Variants in FBXL17 observed in about 807,000 individuals in gnomAD.
FBXL17 encodes F-box/LRR-repeat protein 17.
Under a neutral mutation model 66.2 loss-of-function variants are expected in FBXL17, and 22 were observed. The ratio of observed to expected loss-of-function variants is 0.33; its 90% CI spans 0.24 to 0.47. The LOEUF is 0.47. Ranked by LOEUF, FBXL17 falls within the 20% of genes least tolerant of loss-of-function variation. The pLI is 1.00. For synonymous variants in FBXL17, 474 were observed against 400.5 expected (o/e 1.18, Z -2.19); for missense variants, 878 against 948.2 (o/e 0.93, Z 0.97).
At chr5:108,125,186 T>C (rs1485485177) in intron 6 of FBXL17, among the ~76,000 whole-genome samples, 1 of 151,984 alleles carries the variant, frequency 6.6e-6, no homozygotes, top group Non-Finnish European at 1.5e-5. Context: ...TAAAATGTAA[T>C]GCAACATAAA....
intron 3 of FBXL17, among the ~76,000 whole-genome samples, chr5:108,357,026 C>CA (rs1426003304): frequency 1.3e-5 from 2 of 151,902 alleles, no homozygotes; most frequent in Non-Finnish European, 2.9e-5. Context: ...AAAAATCAGG[C>CA]AGCAAACAAA....
At chr5:108,356,502 A>G (rs1747997338) in intron 3 of FBXL17, among the ~76,000 whole-genome samples, 1 of 152,168 alleles carries the variant, frequency 6.6e-6, no homozygotes, top group Non-Finnish European at 1.5e-5. Context: ...ATTGCTAAAA[A>G]TAAATGAGCT....
At chr5:108,221,146 G>A (rs1447681561) in intron 5 of FBXL17, among the ~76,000 whole-genome samples, 3 of 152,100 alleles carry the variant, frequency 2.0e-5, no homozygotes, top group African/African-American at 7.2e-5. Context: ...AAGTAATAAT[G>A]GCATGTCATC....
chr5:107,924,426 A>C (rs991665575), intron 7 of FBXL17, among the ~76,000 whole-genome samples: 2 of 152,192 alleles, frequency 1.3e-5, no homozygotes, highest in Non-Finnish European at 2.9e-5. Context: ...TCCAGATGGT[A>C]TCTAGGCATT....
At chr5:108,211,802 G>T (rs537028887) in intron 5 of FBXL17, among the ~76,000 whole-genome samples, 206 of 152,188 alleles carry the variant, frequency 1.4e-3, no homozygotes, top group Non-Finnish European at 2.2e-3. Context: ...ATGATTATGT[G>T]TCTTGGGGTT....
chr5:108,341,742 T>C (rs184801824), intron 4 of FBXL17, among the ~76,000 whole-genome samples: 1 of 152,252 alleles, frequency 6.6e-6, no homozygotes, highest in Non-Finnish European at 1.5e-5. Flanking sequence ...CCCTACTACC[T>C]AGCCTATCAA....
At chr5:108,258,194 T>C (rs1756658664) in intron 4 of FBXL17, among the ~76,000 whole-genome samples, 1 of 152,170 alleles carries the variant, frequency 6.6e-6, no homozygotes, top group South Asian at 2.1e-4. Context: ...AACAGGGCCG[T>C]GGCTTTAGAA....
intron 6 of FBXL17, among the ~76,000 whole-genome samples, chr5:108,119,704 A>G (rs1467696375): frequency 6.6e-6 from 1 of 152,190 alleles, no homozygotes; most frequent in Admixed American, 6.5e-5. Flanking sequence ...CATTTTGCAC[A>G]AGGTTCTATG....
chr5:108,220,909 C>T (rs75770199), intron 5 of FBXL17, among the ~76,000 whole-genome samples: 1,849 of 152,286 alleles, frequency 0.012, 15 homozygotes, highest in Non-Finnish European at 0.019. Context: ...AGACCCAATT[C>T]TCCCACATAC....
Position 107,860,300 on chromosome 5 carries a change from T to C in FBXL17, c.*1420A>G, listed in dbSNP as rs1482986980. On this transcript the variant is annotated 3_prime_UTR_variant, in exon 9 of 9. Coordinates refer to ENST00000542267, the MANE Select transcript of FBXL17 (RefSeq NM_001163315.3). The stretch of plus-strand genomic sequence containing the variant: ...TTATATTCACTCAGGGAAAAATAAA[T>C]AGCAACTTCACAAGTTAGGGTTTTG... 1 of 152,576 alleles carries C rather than the reference T, an allele frequency of 6.6e-6. No homozygotes were observed. The highest frequency in any genetic ancestry group is 6.5e-5 in the Admixed American group (1 of 15,274). The allele number at this position is 152,576 out of a possible 1,614,324, so 9.5% of individuals were successfully genotyped here.
intron 7 of FBXL17, among the ~76,000 whole-genome samples, chr5:108,010,643 T>C (rs1388328142): frequency 6.6e-6 from 1 of 152,190 alleles, no homozygotes; most frequent in African/African-American, 2.4e-5. Flanking sequence ...GATTATCCCA[T>C]GTCTCTACCA....
chr5:108,370,184 C>T (rs544451430), intron 1 of FBXL17, among the ~76,000 whole-genome samples: 1 of 152,254 alleles, frequency 6.6e-6, no homozygotes, highest in South Asian at 2.1e-4. Context: ...ACAGTGGGCC[C>T]AGCTACGAAT....
At chr5:108,232,794 T>TATATATATATATATATATATATATATATA (rs1294290778) in intron 4 of FBXL17, among the ~76,000 whole-genome samples, 27 of 124,826 alleles carry the variant, frequency 2.2e-4, no homozygotes, top group African/African-American at 7.7e-4. Flanking sequence ...TATATATATA[T>TATATATATATATATATATATATATATATA]ATATATATAT....
intron 4 of FBXL17, among the ~76,000 whole-genome samples, chr5:108,315,442 A>G (rs560422673): frequency 1.5e-4 from 23 of 151,616 alleles, no homozygotes; most frequent in African/African-American, 5.1e-4. Flanking sequence ...ATTATTTATT[A>G]AAGAGTAAAT....
At chr5:108,373,862 G>A (rs1481006990) in intron 1 of FBXL17, among the ~76,000 whole-genome samples, 1 of 152,184 alleles carries the variant, frequency 6.6e-6, no homozygotes, top group Non-Finnish European at 1.5e-5. Flanking sequence ...AGGCTGCAGT[G>A]AGTTGTGATC....
intron 4 of FBXL17, among the ~76,000 whole-genome samples, chr5:108,344,987 T>C (rs1337042186): frequency 6.6e-6 from 1 of 152,174 alleles, no homozygotes; most frequent in African/African-American, 2.4e-5. Flanking sequence ...ACATGACACC[T>C]GTCTCACTCA....
chr5:107,991,065 C>A (rs752209338), intron 7 of FBXL17, among the ~76,000 whole-genome samples: 3 of 151,864 alleles, frequency 2.0e-5, no homozygotes, highest in Non-Finnish European at 4.4e-5. Context: ...TGATGTGTGG[C>A]ATCATCAAAA....
rs189540824 is a variant in FBXL17, at chr5:108,165,855, G to A, written c.1745+20262C>T. On this transcript the variant is annotated intron_variant, in intron 6 of 8. Transcript: ENST00000542267. ...CTGCTGCTTATTAATGTACACTTTA[G>A]TCAGTTTGTACAAGATATGAAATAC... is the stretch of plus-strand genomic sequence containing the variant. Among the ~76,000 whole-genome samples, 952 of 152,252 alleles carry A rather than the reference G, an allele frequency of 6.3e-3. 12 individuals carry two copies. Among genetic ancestry groups the A allele is most frequent in the African/African-American group, 0.021 (893 of 41,554 alleles).
intron 7 of FBXL17, among the ~76,000 whole-genome samples, chr5:107,937,898 C>T (rs1378607634): frequency 6.6e-6 from 1 of 152,168 alleles, no homozygotes; most frequent in Non-Finnish European, 1.5e-5. Context: ...AGTCGGCAGA[C>T]AGGGTGTGCA....
Sources: gnomAD v4.1 joint callset for allele counts (sites outside exome capture counted in the v4.1 genomes callset) on GRCh38, gnomAD v4.1.1 for gene constraint, MANE v1.5 for transcripts, NCBI Gene and HGNC (gene_info 2026-07-23, HGNC 2026-07-21) for gene names.